Variants in TDG observed in about 807,000 individuals in gnomAD.
The protein encoded by TDG is thymine DNA glycosylase.
Under a neutral mutation model 46.1 loss-of-function variants are expected in TDG, and 23 were observed. That is an observed-to-expected ratio of 0.50 (90% CI 0.36 to 0.71). The LOEUF (loss-of-function observed/expected upper bound fraction) is 0.71. Ranked by LOEUF, TDG falls within the 30% of genes least tolerant of loss-of-function variation. TDG has a pLI of 0.00. For missense variants in TDG, 304 were observed against 486.7 expected (o/e 0.62, Z 3.53); for synonymous variants, 115 against 161.3 (o/e 0.71, Z 2.18).
intron 1 of TDG, 63 bp downstream of exon 1, chr12:103,966,123 G>T: frequency 2.8e-6 from 4 of 1,420,114 alleles, no homozygotes; most frequent in Non-Finnish European, 3.7e-6. Context: ...GCTGGCTGGC[G>T]CGCGCGCGCG....
intron 7 of TDG, among the ~76,000 whole-genome samples, chr12:103,984,074 G>A (rs1174497852): frequency 6.6e-6 from 1 of 151,854 alleles, no homozygotes; most frequent in African/African-American, 2.4e-5. Context: ...AGGTTTTTGT[G>A]GAAACCTAAA....
chr12:103,974,990 A>G (rs909269456), intron 1 of TDG, among the ~76,000 whole-genome samples: 37 of 89,300 alleles, frequency 4.1e-4, no homozygotes, highest in African/African-American at 6.4e-4. Flanking sequence ...AAAAAAAAAA[A>G]AAAGAAAAAG....
chr12:103,982,143 G>A (rs755254848), intron 4 of TDG, among the ~76,000 whole-genome samples: 3 of 152,116 alleles, frequency 2.0e-5, no homozygotes, highest in African/African-American at 4.8e-5. Context: ...TGCAGTATAC[G>A]CTCAGGAAAT....
chr12:103,972,570 A>G (rs1293596366), intron 1 of TDG, among the ~76,000 whole-genome samples: 1 of 152,238 alleles, frequency 6.6e-6, no homozygotes, highest in African/African-American at 2.4e-5. Flanking sequence ...AACTAAGTTT[A>G]ATGCTCGAAG....
intron 8 of TDG, 148 bp downstream of exon 8, chr12:103,985,068 T>C: frequency 2.5e-6 from 1 of 401,190 alleles, no homozygotes; most frequent in Non-Finnish European, 4.1e-6. Flanking sequence ...TACATGTGTA[T>C]ATATACATAT....
intron 8 of TDG, 71 bp from the exon 9 acceptor site, chr12:103,985,532 A>T: frequency 6.7e-7 from 1 of 1,501,930 alleles, no homozygotes; most frequent in South Asian, 1.4e-5. Flanking sequence ...ATTGTTCATG[A>T]TTTCTGAATA....
chr12:103,977,249 C>CTCA (rs1871587260), intron 2 of TDG, among the ~76,000 whole-genome samples, 189 bp downstream of exon 2: 1 of 152,180 alleles, frequency 6.6e-6, no homozygotes, highest in African/African-American at 2.4e-5. Flanking sequence ...CCAAAAATAT[C>CTCA]TCATAATCTA....
rs1872226990 is a variant in TDG, at chr12:103,987,461, T to C, written c.*371T>C. ...CCTAGATATACCATTATCCCTTTTATACCTAAGAAGGGCATGCTAATAATT... is the reference window on the plus strand; with the variant it reads ...CCTAGATATACCATTATCCCTTTTACACCTAAGAAGGGCATGCTAATAATT... On this transcript the variant is annotated 3_prime_UTR_variant, in exon 10 of 10. Transcript: ENST00000392872. The C allele has an allele frequency of 5.9e-6, 1 of 168,816 alleles. No individual in the cohort carries two copies. The highest frequency in any genetic ancestry group is 1.3e-5 in the Non-Finnish European group (1 of 77,098). 10.5% of individuals were successfully genotyped at this position (168,816 alleles called of 1,614,324 possible). A position where few individuals can be genotyped will look rare whatever the true frequency, so the allele number is the denominator to read the frequency against.
rs1326257617 is a variant in TDG, at chr12:103,983,171, A to G, written c.650A>G (p.Gln217Arg). The G allele has an allele frequency of 6.2e-7, 1 of 1,607,934 alleles. No individual in the cohort carries two copies. Among genetic ancestry groups the G allele is most frequent in the Non-Finnish European group, 8.5e-7 (1 of 1,178,140 alleles). ...EFREGGRILV[Q>R]KLQKYQPRIA... ...CGTGAAGGAGGACGTATTCTAGTAC[A>G]GAAATTACAGAAATATCAGCCACGA... The change falls in exon 6 of 10, where the codon CAG becomes CGG. Residue 217 changes from glutamine (Q) to arginine (R), a missense_variant. Coordinates refer to ENST00000392872, the MANE Select transcript of TDG (RefSeq NM_003211.6).
intron 3 of TDG, 161 bp downstream of exon 3, chr12:103,980,233 G>GT (rs1871758417): frequency 1.1e-6 from 1 of 938,056 alleles, no homozygotes. Flanking sequence ...ATATGAGAGT[G>GT]TTTAAGAGGG....
intron 1 of TDG, among the ~76,000 whole-genome samples, chr12:103,972,618 A>G (rs1316937720): frequency 2.0e-5 from 3 of 152,228 alleles, no homozygotes; most frequent in Non-Finnish European, 4.4e-5. Context: ...TTGATTTTCC[A>G]TAGGTTTATT....
At chr12:103,971,063 G>A (rs1340502098) in intron 1 of TDG, among the ~76,000 whole-genome samples, 1 of 152,208 alleles carries the variant, frequency 6.6e-6, no homozygotes, top group Non-Finnish European at 1.5e-5. Context: ...TAAAGTATAT[G>A]GGAGGATCTG....
chr12:103,982,664 C>A, intron 4 of TDG, 135 bp from the exon 5 acceptor site: 1 of 764,060 alleles, frequency 1.3e-6, no homozygotes, highest in Non-Finnish European at 2.1e-6. Context: ...ACTCAGGAGG[C>A]TGAAGTGGGA....
chr12:103,972,844 G>C, intron 1 of TDG: 1 of 448,286 alleles, frequency 2.2e-6, no homozygotes, highest in Middle Eastern at 3.9e-4. Context: ...CTGAACCCCA[G>C]AATTTCTGAA....
intron 8 of TDG, 134 bp downstream of exon 8, chr12:103,985,054 T>C: frequency 8.8e-6 from 4 of 454,586 alleles, no homozygotes; most frequent in South Asian, 4.2e-5. Context: ...CACACGTGTA[T>C]ATATACATGT....
intron 1 of TDG, among the ~76,000 whole-genome samples, chr12:103,974,865 C>G (rs2136235116): frequency 6.6e-6 from 1 of 151,372 alleles, no homozygotes; most frequent in African/African-American, 2.4e-5. Flanking sequence ...GTCCCAGCTA[C>G]TCGGGAGGCT....
chr12:103,970,099 G>T (rs1265727695), intron 1 of TDG, among the ~76,000 whole-genome samples: 1 of 152,104 alleles, frequency 6.6e-6, no homozygotes. Flanking sequence ...TGAGCATTTG[G>T]ATTATTTAGC....
chr12:103,976,059 C>CA (rs142710697), intron 1 of TDG, among the ~76,000 whole-genome samples: 2,933 of 142,318 alleles, frequency 0.021, 36 homozygotes, highest in Middle Eastern at 0.06. Context: ...ATAGCAGTGG[C>CA]AAAAAAAAAA....
chr12:103,967,002 G>T (rs915202216), intron 1 of TDG, among the ~76,000 whole-genome samples: 1 of 152,174 alleles, frequency 6.6e-6, no homozygotes, highest in Non-Finnish European at 1.5e-5. Flanking sequence ...AGAGATATAT[G>T]TAGACAAAGT....
Sources: allele counts gnomAD v4.1 joint callset (sites outside exome capture counted in the v4.1 genomes callset), GRCh38; gene constraint gnomAD v4.1.1; transcripts MANE v1.5; gene names NCBI Gene and HGNC (gene_info 2026-07-23, HGNC 2026-07-21).